CNKSR3: variants seen among roughly 807,000 people sequenced by gnomAD.
The protein encoded by CNKSR3 is connector enhancer of kinase suppressor of ras 3.
A neutral mutation model predicts 67.7 loss-of-function variants in CNKSR3; 36 were observed. The observed-to-expected ratio is 0.53, with a 90% CI of 0.41 to 0.70. CNKSR3 has a LOEUF of 0.70. CNKSR3 is among the 30% of genes least tolerant of loss of function. The pLI is 0.00. For synonymous variants in CNKSR3, 281 were observed against 271.4 expected (o/e 1.04, Z -0.35); for missense variants, 630 against 695.2 (o/e 0.91, Z 1.05).
Position 154,420,638 on chromosome 6 carries a change from G to A in CNKSR3, c.945+1868C>T, listed in dbSNP as rs1415413182. Among the ~76,000 whole-genome samples, 10 of 136,784 alleles carry A rather than the reference G, an allele frequency of 7.3e-5. No individual in the cohort carries two copies. The East Asian group carries it at 1.5e-3, about 21-fold the overall frequency. The allele number at this position is 136,784 out of a possible 152,430, so 89.7% of individuals were successfully genotyped here. On this transcript the variant is annotated intron_variant, in intron 9 of 12. Transcript: ENST00000607772. ...CGGGAGGCGGAGCTTGCAGTGAGCC[G>A]AGATCCCGCCACTGCACTCCAGCCT... is the stretch of plus-strand genomic sequence containing the variant.
In CNKSR3 at chr6:154,450,207, ATCT is replaced by A; in HGVS notation, c.101_103del (p.Lys34del). 1.2e-6 allele frequency: 2 copies of A among 1,614,100 alleles called. No homozygotes were observed. The highest frequency in any genetic ancestry group is 1.7e-6 in the Non-Finnish European group (2 of 1,180,026). On this transcript the variant is annotated inframe_deletion, in exon 2 of 13. Transcript: ENST00000607772. ...AATCTGCAGCAGCTGCTCGCCGTTG[ATCT>A]TCTCTCGTTCAAACTTGTGGACATA... is the stretch of plus-strand genomic sequence containing the variant.
At chr6:154,440,704 C>T (rs1200273440) in intron 4 of CNKSR3, among the ~76,000 whole-genome samples, 1 of 152,192 alleles carries the variant, frequency 6.6e-6, no homozygotes, top group Non-Finnish European at 1.5e-5. Flanking sequence ...GGAAAGGCAA[C>T]ATGACATACT....
chr6:154,424,303 A>G (rs1385782564), intron 7 of CNKSR3, among the ~76,000 whole-genome samples: 1 of 152,104 alleles, frequency 6.6e-6, no homozygotes, highest in Non-Finnish European at 1.5e-5. Context: ...TATTTTGCTC[A>G]TGGTGTTCTT....
chr6:154,489,456 G>A (rs932522094), intron 1 of CNKSR3, among the ~76,000 whole-genome samples: 2 of 151,920 alleles, frequency 1.3e-5, no homozygotes, highest in African/African-American at 4.8e-5. Flanking sequence ...GCTTGAACCC[G>A]GGAGGTGGAG....
At chr6:154,438,006 A>G (rs9397720) in intron 4 of CNKSR3, among the ~76,000 whole-genome samples, 104,235 of 151,686 alleles carry the variant, frequency 0.69, 36,387 homozygotes, top group East Asian at 0.89. Flanking sequence ...TGCTTTTCAC[A>G]TGTTGTATCT....
intron 7 of CNKSR3, among the ~76,000 whole-genome samples, chr6:154,424,119 C>CT (rs1785203899): frequency 6.6e-6 from 1 of 151,764 alleles, no homozygotes; most frequent in South Asian, 2.1e-4. Context: ...GTAGTCCCAG[C>CT]TACTCAGGAG....
chr6:154,485,379 GA>G (rs1267091208), intron 1 of CNKSR3, among the ~76,000 whole-genome samples: 3 of 152,200 alleles, frequency 2.0e-5, no homozygotes, highest in African/African-American at 7.2e-5. Context: ...AGTTTTAAAA[GA>G]ACTTTTCTAC....
chr6:154,470,509 A>G (rs577894428), intron 1 of CNKSR3, among the ~76,000 whole-genome samples: 22 of 152,226 alleles, frequency 1.4e-4, no homozygotes, highest in African/African-American at 5.1e-4. Flanking sequence ...GCCTGTTCTG[A>G]ATATTTCATA....
chr6:154,406,575 G>A lies in CNKSR3; in HGVS notation c.1447C>T (p.Arg483Trp), dbSNP rs756561529. The A allele has an allele frequency of 1.9e-6, 3 of 1,614,210 alleles. No individual in the cohort carries two copies. Among genetic ancestry groups the A allele is most frequent in the Non-Finnish European group, 2.5e-6 (3 of 1,180,042 alleles). ...CGCTCGGTCGTGGGTCTGGAGAACC[G>A]GTATGGGGGAGAGGAGCTCTCTTCA... ...IIEESSSPPYRFSRPTTERHL... is the reference protein window; with the variant it reads ...IIEESSSPPYWFSRPTTERHL... Residue 483 changes from arginine (R) to tryptophan (W), a missense_variant, in exon 13 of 13, where the codon CGG becomes TGG. This residue lies in a region of CNKSR3 where 308 missense variants were observed against 299.6 expected (regional missense o/e 1.03). Transcript: ENST00000607772.
intron 1 of CNKSR3, among the ~76,000 whole-genome samples, chr6:154,463,207 C>T (rs991820871): frequency 6.6e-6 from 1 of 150,690 alleles, no homozygotes; most frequent in African/African-American, 2.4e-5. Flanking sequence ...GTAGCTGGGA[C>T]TACAGGCGCC....
chr6:154,442,727 A>C (rs112843779), intron 2 of CNKSR3, among the ~76,000 whole-genome samples: 2,092 of 152,030 alleles, frequency 0.014, 46 homozygotes, highest in African/African-American at 0.048. Flanking sequence ...ACAAAACCCT[A>C]TGTGATCTAT....
chr6:154,481,085 T>C (rs1786557337), intron 1 of CNKSR3, among the ~76,000 whole-genome samples: 1 of 152,192 alleles, frequency 6.6e-6, no homozygotes, highest in Non-Finnish European at 1.5e-5. Flanking sequence ...CTTATGCTTA[T>C]TCGATATTTA....
Position 154,406,100 on chromosome 6 carries a change from C to A in CNKSR3, c.*254G>T, listed in dbSNP as rs925363266. 4.2e-6 allele frequency: 2 copies of A among 480,256 alleles called. No individual in the cohort carries two copies. The highest frequency in any genetic ancestry group is 3.9e-5 in the African/African-American group (2 of 51,688). The allele number at this position is 480,256 out of a possible 1,614,324, so 29.7% of individuals were successfully genotyped here. A position where few individuals can be genotyped will look rare whatever the true frequency, so the allele number is the denominator to read the frequency against. ...TAGCGCGTGTCTTCACATTCTATCT[C>A]TGGGGAAGCAAGACAAACAGGCTCT... On this transcript the variant is annotated 3_prime_UTR_variant, in exon 13 of 13. Transcript: ENST00000607772.
At position 154,390,218 on chromosome 6, in the gene CNKSR3, T is replaced by G. The variant is rs538805595; in HGVS notation, c.*16136A>C. ...TAGACCTCAGCCATTTGCCTTGCCT[T>G]AGCCCCAGCCTGTGCCTGACCAACT... On this transcript the variant is annotated 3_prime_UTR_variant, in exon 13 of 13. Transcript: ENST00000607772. The G allele has an allele frequency of 6.6e-6, 1 of 152,400 alleles. No individual in the cohort carries two copies. The highest frequency in any genetic ancestry group is 2.1e-4 in the South Asian group (1 of 4,826). The allele number at this position is 152,400 out of a possible 1,614,324, so 9.4% of individuals were successfully genotyped here.
At chr6:154,469,643 G>A (rs1202155606) in intron 1 of CNKSR3, among the ~76,000 whole-genome samples, 4 of 152,170 alleles carry the variant, frequency 2.6e-5, no homozygotes, top group Admixed American at 6.5e-5. Flanking sequence ...TTATTAAGAT[G>A]TAATTCATGT....
rs770316254 is a variant in CNKSR3, at chr6:154,410,416, C to A, written c.1296G>T (p.Leu432Phe). 1 of 1,613,914 alleles carries A rather than the reference C, an allele frequency of 6.2e-7. No homozygotes were observed. Among genetic ancestry groups the A allele is most frequent in the East Asian group, 2.2e-5 (1 of 44,882 alleles). Reference protein sequence around the residue: ...KTPSYGKPRPLSMPADGNWMG... With the variant: ...KTPSYGKPRPFSMPADGNWMG... ...TCCAGTTCCCATCAGCAGGCATGGA[C>A]AAAGGCCGTGGCTTGCCTTCAGAGG... The change falls in exon 12 of 13, where the codon TTG (leucine) becomes TTT (phenylalanine). Residue 432 changes from leucine to phenylalanine, a missense_variant. This residue lies in a region of CNKSR3 where 308 missense variants were observed against 299.6 expected (regional missense o/e 1.03). Coordinates refer to ENST00000607772, the MANE Select transcript of CNKSR3 (RefSeq NM_173515.4).
intron 2 of CNKSR3, among the ~76,000 whole-genome samples, chr6:154,446,362 CAAA>C (rs1216420143): frequency 2.6e-5 from 4 of 152,302 alleles, no homozygotes; most frequent in Admixed American, 1.3e-4. Context: ...GCCAGAGACA[CAAA>C]ATCAAAGCCA....
At chr6:154,426,686 G>A (rs1785264013) in intron 7 of CNKSR3, among the ~76,000 whole-genome samples, 1 of 152,324 alleles carries the variant, frequency 6.6e-6, no homozygotes, top group African/African-American at 2.4e-5. Context: ...GGTGGTGCAA[G>A]AGGAAGGAAG....
intron 9 of CNKSR3, among the ~76,000 whole-genome samples, chr6:154,415,143 A>AAAGCAATC (rs1784995702): frequency 3.3e-5 from 5 of 150,954 alleles, no homozygotes; most frequent in Admixed American, 2.6e-4. Flanking sequence ...AAGAAAAGAA[A>AAAGCAATC]AAGCAATCAG....
Sources: allele counts gnomAD v4.1 joint callset (sites outside exome capture counted in the v4.1 genomes callset), GRCh38; gene constraint gnomAD v4.1.1; regional missense constraint gnomAD v4.1.1; transcripts MANE v1.5; gene names NCBI Gene and HGNC (gene_info 2026-07-23, HGNC 2026-07-21).